Variants in UNC45B observed in about 807,000 individuals in gnomAD.
UNC45B encodes unc-45 myosin chaperone B.
UNC45B carries 78 observed loss-of-function variants against 98.7 expected under a neutral mutation model. The observed-to-expected ratio is 0.79, with a 90% CI of 0.66 to 0.95. UNC45B has a LOEUF of 0.95. Among genes scored for constraint, UNC45B ranks in the 40% least tolerant of loss-of-function variants. UNC45B has a pLI of 0.00. For synonymous variants in UNC45B, 462 were observed against 480.4 expected (o/e 0.96, Z 0.50); for missense variants, 1,225 against 1,184.9 (o/e 1.03, Z -0.50).
intron 9 of UNC45B, 130 bp from the exon 10 acceptor site, chr17:35,167,931 A>G: frequency 1.3e-6 from 1 of 799,242 alleles, no homozygotes; most frequent in Non-Finnish European, 1.8e-6. Flanking sequence ...GGTTCGCTGA[A>G]TTGCCCAATA....
chr17:35,164,768 C>T (rs2092126500), intron 9 of UNC45B: 1 of 152,206 alleles, frequency 6.6e-6, no homozygotes, highest in Admixed American at 6.5e-5. Context: ...GTTCCCCACG[C>T]TGGAGTGCAG....
chr17:35,176,296 T>A (rs1361758459), intron 15 of UNC45B, among the ~76,000 whole-genome samples: 1 of 152,158 alleles, frequency 6.6e-6, no homozygotes, highest in Non-Finnish European at 1.5e-5. Context: ...AGAAGACTTG[T>A]AGTTGAGTTC....
At chr17:35,168,417 AG>A in intron 10 of UNC45B, 56 bp downstream of exon 10, 1 of 1,286,916 alleles carries the variant, frequency 7.8e-7, no homozygotes, top group African/African-American at 1.5e-5. Flanking sequence ...GCCAGGCACC[AG>A]GGACACCAAA....
intron 2 of UNC45B, 141 bp from the exon 3 acceptor site, chr17:35,148,832 C>A: frequency 1.0e-6 from 1 of 968,242 alleles, no homozygotes; most frequent in Non-Finnish European, 1.6e-6. Context: ...CTTTGCCATG[C>A]CTGTGAGGAG....
In UNC45B at chr17:35,183,565, C is replaced by T. The variant is rs749016310; in HGVS notation, c.2512C>T (p.Leu838Phe). 3 of 1,566,640 alleles carry T rather than the reference C, an allele frequency of 1.9e-6. No homozygotes were observed. The African/African-American group carries it at 4.1e-5, about 21-fold the overall frequency. Residue 838 changes from leucine (L) to phenylalanine (F), a missense_variant, in exon 19 of 20, where the codon CTC becomes TTC. Leu to Phe is a conservative substitution (Grantham distance 22). Coordinates refer to ENST00000394570, the MANE Select transcript of UNC45B (RefSeq NM_001267052.2). ...GACAGCAGCACACAAGAAACTGTGC[C>T]TCAAGATGACTCAAGTGGTAAGAGC... ...MLTAAHKKLC[L>F]KMTQVTTQWL...
chr17:35,156,218 C>T (rs767922531), intron 7 of UNC45B, among the ~76,000 whole-genome samples: 74 of 152,096 alleles, frequency 4.9e-4, no homozygotes, highest in Non-Finnish European at 9.6e-4. Flanking sequence ...GGGTTATTTT[C>T]TAATGGGGAC....
chr17:35,160,960 G>C (rs1370938691), intron 8 of UNC45B, among the ~76,000 whole-genome samples: 3 of 152,218 alleles, frequency 2.0e-5, no homozygotes, highest in South Asian at 2.1e-4. Flanking sequence ...AATGTCTTTT[G>C]ATATTGCACT....
Position 35,188,500 on chromosome 17 carries a change from G to T in UNC45B, c.*1941G>T, listed in dbSNP as rs533868575. On this transcript the variant is annotated 3_prime_UTR_variant, in exon 20 of 20. Coordinates refer to ENST00000394570, the MANE Select transcript of UNC45B (RefSeq NM_001267052.2). ...TTTTTTTTTTTTGAGACAGGGTCTT[G>T]CTCTGTAACCTAGGCTCAAGTGCAG... 10 of 141,732 alleles carry T rather than the reference G, an allele frequency of 7.1e-5. No homozygotes were observed. Among genetic ancestry groups the T allele is most frequent in the South Asian group, 6.7e-4 (3 of 4,504 alleles). 8.8% of individuals were successfully genotyped at this position (141,732 alleles called of 1,614,324 possible). A position where few individuals can be genotyped will look rare whatever the true frequency, so the allele number is the denominator to read the frequency against.
At position 35,164,046 on chromosome 17, in the gene UNC45B, G is replaced by A; in HGVS notation, c.1031G>A (p.Cys344Tyr). The A allele has an allele frequency of 6.2e-7, 1 of 1,613,886 alleles. No individual in the cohort carries two copies. The highest frequency in any genetic ancestry group is 8.5e-7 in the Non-Finnish European group (1 of 1,179,916). Reference sequence around the variant, plus strand: ...GGGCAGGTTCCAGATCTGCCATCCTGCCTGCCCCTGACTGACAACACCCGC... The same window carrying A: ...GGGCAGGTTCCAGATCTGCCATCCTACCTGCCCCTGACTGACAACACCCGC... ...VVGQVPDLPS[C>Y]LPLTDNTRML... Residue 344 changes from cysteine (C) to tyrosine (Y), a missense_variant, in exon 9 of 20, where the codon TGC becomes TAC. By Grantham distance (194) the Cys-to-Tyr change is radical (BLOSUM62 -2). Coordinates refer to ENST00000394570, the MANE Select transcript of UNC45B (RefSeq NM_001267052.2).
intron 7 of UNC45B, 134 bp from the exon 8 acceptor site, chr17:35,159,241 C>G: frequency 1.1e-6 from 1 of 896,164 alleles, no homozygotes; most frequent in Non-Finnish European, 1.7e-6. Flanking sequence ...CAACACTATA[C>G]TCCCCTGGGA....
Position 35,170,124 on chromosome 17 carries a change from A to G in UNC45B, c.1558A>G (p.Asn520Asp). 1 of 1,610,442 alleles carries G rather than the reference A, an allele frequency of 6.2e-7. No homozygotes were observed. Among genetic ancestry groups the G allele is most frequent in the Non-Finnish European group, 8.5e-7 (1 of 1,177,354 alleles). ...LAKQCRKWLC[N>D]MSIDTRTRRW... The stretch of plus-strand genomic sequence containing the variant: ...CCTCCTCACTTCCAGGTGGCTGTGC[A>G]ATATGTCCATAGACACTCGGACCCG... The change falls in exon 12 of 20, where the codon AAT becomes GAT. Residue 520 changes from asparagine to aspartate, a missense_variant. By Grantham distance (23) the Asn-to-Asp change is conservative. Coordinates refer to ENST00000394570, the MANE Select transcript of UNC45B (RefSeq NM_001267052.2).
chr17:35,184,168 T>C (rs2092289992), intron 19 of UNC45B, among the ~76,000 whole-genome samples: 1 of 152,200 alleles, frequency 6.6e-6, no homozygotes, highest in African/African-American at 2.4e-5. Flanking sequence ...CATGTCTGTT[T>C]TAAAGGCAGG....
At chr17:35,160,029 A>G (rs1392460956) in intron 8 of UNC45B, among the ~76,000 whole-genome samples, 1 of 152,250 alleles carries the variant, frequency 6.6e-6, no homozygotes, top group Non-Finnish European at 1.5e-5. Context: ...ACACAGAATC[A>G]CAGAAACAGT....
intron 18 of UNC45B, 75 bp downstream of exon 18, chr17:35,180,751 T>C: frequency 8.8e-7 from 1 of 1,132,430 alleles, no homozygotes. Context: ...GGGCCTGGGG[T>C]GAGATCGGGA....
In UNC45B at chr17:35,188,630, C is replaced by T. The variant is rs767030862; in HGVS notation, c.*2071C>T. ...CTGGGACTACAGGCACACACCACCA[C>T]CCCCAGGTAATTAAAAAATTTTTTT... On this transcript the variant is annotated 3_prime_UTR_variant, in exon 20 of 20. Coordinates refer to ENST00000394570, the MANE Select transcript of UNC45B (RefSeq NM_001267052.2). 1.2e-4 allele frequency: 18 copies of T among 152,066 alleles called. No individual in the cohort carries two copies. The highest frequency in any genetic ancestry group is 4.1e-4 in the African/African-American group (17 of 41,384). 9.4% of individuals were successfully genotyped at this position (152,066 alleles called of 1,614,324 possible).
intron 10 of UNC45B, among the ~76,000 whole-genome samples, 173 bp downstream of exon 10, chr17:35,168,534 G>A (rs2092158546): frequency 6.6e-6 from 1 of 152,122 alleles, no homozygotes; most frequent in African/African-American, 2.4e-5. Flanking sequence ...GGCTTGTGAG[G>A]ATGTAGATTC....
Position 35,148,348 on chromosome 17 carries a change from T to G in UNC45B, c.85T>G (p.Tyr29Asp), listed in dbSNP as rs200575280. Residue 29 changes from tyrosine (Y) to aspartate (D), a missense_variant, in exon 2 of 20, where the codon TAC (tyrosine) becomes GAC (aspartate). Physicochemically the swap from Tyr to Asp is radical, Grantham distance 160. Transcript: ENST00000394570. ...GGACTACAAGGCCGCCACAAATAGC[T>G]ACAGCCAGGCCCTGAAGCTGACCAA... is the stretch of plus-strand genomic sequence containing the variant. ...LQDYKAATNS[Y>D]SQALKLTKDK... is the part of the protein sequence containing the mutation. The G allele has an allele frequency of 1.1e-4, 184 of 1,613,980 alleles. No homozygotes were observed. The highest frequency in any genetic ancestry group is 1.5e-4 in the Non-Finnish European group (180 of 1,180,016).
In UNC45B at chr17:35,174,388, A is replaced by C. The variant is rs762553609; in HGVS notation, c.1958+19A>C. On this transcript the variant is annotated intron_variant, in intron 14 of 19. Coordinates refer to ENST00000394570, the MANE Select transcript of UNC45B (RefSeq NM_001267052.2). ...TGGCCAGGTGGGGCTGCAGTGGGCC[A>C]AGGCTTGGAACTAGGGCTGGGGGCC... 2.8e-5 allele frequency: 45 copies of C among 1,614,020 alleles called. No individual in the cohort carries two copies. The Admixed American group carries it at 7.5e-4, about 27-fold the overall frequency.
intron 7 of UNC45B, among the ~76,000 whole-genome samples, chr17:35,158,904 A>G (rs991075853): frequency 6.6e-6 from 1 of 152,236 alleles, no homozygotes; most frequent in Non-Finnish European, 1.5e-5. Flanking sequence ...TTTGCCTTTT[A>G]AGATCTACCA....
Sources: allele counts gnomAD v4.1 joint callset (sites outside exome capture counted in the v4.1 genomes callset), GRCh38; gene constraint gnomAD v4.1.1; transcripts MANE v1.5; gene names NCBI Gene and HGNC (gene_info 2026-07-23, HGNC 2026-07-21).